Variants in RANBP17 observed in about 807,000 individuals in gnomAD.
RANBP17 encodes RAN binding protein 17, also known as ran-binding protein 17.
A neutral mutation model predicts 141.2 loss-of-function variants in RANBP17; 158 were observed. The observed-to-expected ratio is 1.12, with a 90% CI of 0.98 to 1.28. The LOEUF (loss-of-function observed/expected upper bound fraction) is 1.28, where lower values mean the gene tolerates loss of function less well. Among genes scored for constraint, RANBP17 ranks in the 50% most tolerant of loss-of-function variants. RANBP17 has a pLI of 0.00. For missense variants in RANBP17, 1,438 were observed against 1,290.7 expected, an observed-to-expected ratio of 1.11 and a Z score of -1.75; for synonymous variants, 430 against 450.0, an observed-to-expected ratio of 0.96 and a Z score of 0.56.
chr5:170,952,799 G>A (rs1447218817), intron 12 of RANBP17, among the ~76,000 whole-genome samples: 1 of 151,956 alleles, frequency 6.6e-6, no homozygotes, highest in African/African-American at 2.4e-5. Flanking sequence ...TTAATTATTT[G>A]TAAAGGTCTC....
intron 14 of RANBP17, among the ~76,000 whole-genome samples, chr5:171,025,594 T>G (rs1172766340): frequency 6.6e-6 from 1 of 151,648 alleles, no homozygotes; most frequent in Non-Finnish European, 1.5e-5. Flanking sequence ...TCTTTTTTTT[T>G]TGAGACAGAA....
At chr5:171,013,356 T>C (rs1200745557) in intron 14 of RANBP17, among the ~76,000 whole-genome samples, 2 of 152,180 alleles carry the variant, frequency 1.3e-5, no homozygotes, top group Non-Finnish European at 2.9e-5. Context: ...AGCCCCTTTA[T>C]TGGTTACTAC....
intron 8 of RANBP17, 28 bp from the exon 9 acceptor site, chr5:170,916,437 G>T (rs1771975342): frequency 6.7e-7 from 1 of 1,502,390 alleles, no homozygotes; most frequent in Non-Finnish European, 8.9e-7. Context: ...TTTGAAAATT[G>T]AAATGAAATT....
chr5:171,212,578 A>G (rs1026545821), intron 20 of RANBP17, among the ~76,000 whole-genome samples: 1 of 152,206 alleles, frequency 6.6e-6, no homozygotes, highest in African/African-American at 2.4e-5. Context: ...ACACCGTGCT[A>G]CGGAGTTTGA....
intron 16 of RANBP17, among the ~76,000 whole-genome samples, chr5:171,175,889 A>G (rs193120268): frequency 1.5e-3 from 230 of 152,108 alleles, no homozygotes; most frequent in Non-Finnish European, 2.6e-3. Flanking sequence ...GGCTAGCTAC[A>G]TAATTTGCAG....
chr5:171,017,542 T>TA (rs1445995957), intron 14 of RANBP17, among the ~76,000 whole-genome samples: 2 of 152,228 alleles, frequency 1.3e-5, no homozygotes, highest in Non-Finnish European at 2.9e-5. Context: ...GCTGGCTGGA[T>TA]AAATGTCTTC....
intron 14 of RANBP17, among the ~76,000 whole-genome samples, chr5:170,979,967 T>G (rs1292905708): frequency 1.3e-5 from 2 of 152,226 alleles, no homozygotes; most frequent in African/African-American, 4.8e-5. Context: ...TCCAAGAGAC[T>G]TATTGATTGG....
rs1038540825 is a variant in RANBP17, at chr5:171,186,726, C to A, written c.2038+3296C>A. Among the ~76,000 whole-genome samples, 551 of 150,444 alleles carry A rather than the reference C, an allele frequency of 3.7e-3. 3 individuals carry two copies. The highest frequency in any genetic ancestry group is 0.013 in the African/African-American group (530 of 40,982). On this transcript the variant is annotated intron_variant, in intron 18 of 27. Transcript: ENST00000523189. The stretch of plus-strand genomic sequence containing the variant: ...TAATTTTTTGTATTTTTAGTAGAGA[C>A]GGGGTTTCACCGTTTTAGCCGGGAT...
intron 14 of RANBP17, among the ~76,000 whole-genome samples, chr5:171,130,431 C>CTTTTTTTTTTTTTTTTTT (rs72051535): frequency 1.1e-5 from 1 of 90,018 alleles, no homozygotes; most frequent in South Asian, 4.1e-4. Flanking sequence ...TTTAAAAAGA[C>CTTTTTTTTTTTTTTTTTT]TTTTTTTTTT....
chr5:171,275,056 C>G (rs1339450328), intron 25 of RANBP17, among the ~76,000 whole-genome samples: 2 of 152,068 alleles, frequency 1.3e-5, no homozygotes, highest in Non-Finnish European at 2.9e-5. Flanking sequence ...CATAACTTGC[C>G]TTATTAATTG....
intron 14 of RANBP17, among the ~76,000 whole-genome samples, chr5:170,992,227 C>T (rs1019195713): frequency 3.3e-5 from 5 of 151,862 alleles, no homozygotes; most frequent in African/African-American, 7.3e-5. Context: ...CTATCCTTTT[C>T]GGGGGTAGTA....
chr5:171,147,049 G>A (rs1177423047), intron 14 of RANBP17, among the ~76,000 whole-genome samples: 1 of 152,104 alleles, frequency 6.6e-6, no homozygotes. Context: ...AGTTTCCAAA[G>A]GACATTTGAT....
intron 14 of RANBP17, among the ~76,000 whole-genome samples, chr5:171,077,863 C>T (rs997182069): frequency 1.3e-5 from 2 of 152,172 alleles, no homozygotes; most frequent in African/African-American, 4.8e-5. Flanking sequence ...CCATAACATT[C>T]CCTCAAGACA....
chr5:170,865,906 C>G (rs1767218213), intron 1 of RANBP17, among the ~76,000 whole-genome samples: 1 of 152,220 alleles, frequency 6.6e-6, no homozygotes, highest in African/African-American at 2.4e-5. Context: ...GGTTTCAAAA[C>G]TAAGCTTCTG....
At chr5:171,248,105 G>A (rs1765326807) in intron 24 of RANBP17, among the ~76,000 whole-genome samples, 3 of 152,140 alleles carry the variant, frequency 2.0e-5, no homozygotes, top group South Asian at 2.1e-4. Context: ...GTTGGCTAAC[G>A]CCTGTAATCT....
chr5:171,108,739 A>G (rs920988531), intron 14 of RANBP17, among the ~76,000 whole-genome samples: 1 of 152,166 alleles, frequency 6.6e-6, no homozygotes, highest in Admixed American at 6.5e-5. Flanking sequence ...TTCTTTTTCT[A>G]TACAGTATTT....
chr5:170,947,838 G>A (rs1198420959), intron 12 of RANBP17, among the ~76,000 whole-genome samples: 8 of 152,150 alleles, frequency 5.3e-5, no homozygotes, highest in Non-Finnish European at 1.2e-4. Flanking sequence ...CTTCCCCAGA[G>A]TGAACATTCT....
intron 7 of RANBP17, chr5:170,911,491 C>CT: frequency 1.4e-6 from 1 of 704,966 alleles, no homozygotes; most frequent in Non-Finnish European, 2.7e-6. Context: ...CTGGTCAAAC[C>CT]TTTAAATCTT....
intron 27 of RANBP17, 70 bp downstream of exon 27, chr5:171,296,084 G>A (rs927506331): frequency 2.7e-5 from 41 of 1,507,590 alleles, no homozygotes; most frequent in Non-Finnish European, 3.2e-5. Context: ...TAACTCTCTC[G>A]TGCTTGACAC....
Sources: gnomAD v4.1 joint callset for allele counts (sites outside exome capture counted in the v4.1 genomes callset) on GRCh38, gnomAD v4.1.1 for gene constraint, MANE v1.5 for transcripts, NCBI Gene and HGNC (gene_info 2026-07-23, HGNC 2026-07-21) for gene names.